BRD4: variants seen among roughly 807,000 people sequenced by gnomAD.
BRD4 encodes bromodomain containing 4, also known as bromodomain-containing protein 4.
BRD4 carries 16 observed loss-of-function variants against 142.1 expected under a neutral mutation model. The ratio of observed to expected loss-of-function variants is 0.11; its 90% CI spans 0.08 to 0.17. The LOEUF is 0.17. Ranked by LOEUF, BRD4 falls within the 10% of genes least tolerant of loss-of-function variation. The pLI, the probability that BRD4 is intolerant of heterozygous loss-of-function variation, is 1.00. For synonymous variants in BRD4, 833 were observed against 707.5 expected, an observed-to-expected ratio of 1.18 and a Z score of -2.82; for missense variants, 1,424 against 1,810.9, an observed-to-expected ratio of 0.79 and a Z score of 3.88.
At chr19:15,253,882 T>C in intron 11 of BRD4, 1 of 1,065,024 alleles carries the variant, frequency 9.4e-7, no homozygotes, top group South Asian at 1.6e-5. Context: ...GGCTCCGCAG[T>C]GTCAACGCCC....
At chr19:15,325,069 C>T (rs903956948) in intron 1 of BRD4, among the ~76,000 whole-genome samples, 1 of 152,134 alleles carries the variant, frequency 6.6e-6, no homozygotes, top group African/African-American at 2.4e-5. Context: ...CTTCCTCTTC[C>T]CACTTCTATT....
intron 1 of BRD4, among the ~76,000 whole-genome samples, chr19:15,306,812 T>C (rs892476450): frequency 6.6e-6 from 1 of 152,076 alleles, no homozygotes; most frequent in African/African-American, 2.4e-5. Flanking sequence ...TCCCCAAAAC[T>C]ATGATAATGA....
intron 1 of BRD4, among the ~76,000 whole-genome samples, chr19:15,315,266 G>A (rs1233873282): frequency 2.0e-5 from 3 of 152,044 alleles, no homozygotes; most frequent in African/African-American, 7.3e-5. Flanking sequence ...GGGCACACCT[G>A]TTAAATGAAT....
At chr19:15,311,240 C>T (rs1024199874) in intron 1 of BRD4, among the ~76,000 whole-genome samples, 2 of 151,848 alleles carry the variant, frequency 1.3e-5, no homozygotes, top group South Asian at 4.1e-4. Flanking sequence ...TGCGGTGAGT[C>T]GAGATCGTGC....
intron 14 of BRD4, among the ~76,000 whole-genome samples, chr19:15,240,223 C>T (rs892903452): frequency 6.6e-6 from 1 of 152,182 alleles, no homozygotes; most frequent in African/African-American, 2.4e-5. Flanking sequence ...GACCCCTCCC[C>T]GAAAGGGCTG....
At chr19:15,267,334 C>T in intron 4 of BRD4, 82 bp downstream of exon 4, 1 of 1,528,796 alleles carries the variant, frequency 6.5e-7, no homozygotes, top group Non-Finnish European at 8.9e-7. Context: ...CATCCTCCTG[C>T]CACTCCCAGC....
At chr19:15,301,222 A>G (rs2047864592) in intron 1 of BRD4, among the ~76,000 whole-genome samples, 2 of 152,236 alleles carry the variant, frequency 1.3e-5, no homozygotes, top group South Asian at 2.1e-4. Context: ...TCCATTTAAT[A>G]TGACATTCTA....
intron 14 of BRD4, among the ~76,000 whole-genome samples, chr19:15,240,504 G>A (rs1367618193): frequency 6.6e-6 from 1 of 152,186 alleles, no homozygotes; most frequent in Non-Finnish European, 1.5e-5. Context: ...CTGGGGGTGG[G>A]GATGCTCAGG....
rs2047221681 is a variant in BRD4, at chr19:15,239,589, A to G, written c.3446-67T>C. 8 of 1,563,052 alleles carry G rather than the reference A, an allele frequency of 5.1e-6. No individual in the cohort carries two copies. The highest frequency in any genetic ancestry group is 6.9e-6 in the Non-Finnish European group (8 of 1,160,856). On this transcript the variant is annotated intron_variant, in intron 16 of 19. Transcript: ENST00000679869. This position sits in a 1 kb window ranked among gnomAD's most constrained non-coding sequence, Gnocchi z 7.4. ...CAGTGGGGCATGGTCCACCAGCCCCACAGCAAGCTTATGTCCAACACGGGC... is the reference window on the plus strand; with the variant it reads ...CAGTGGGGCATGGTCCACCAGCCCCGCAGCAAGCTTATGTCCAACACGGGC...
chr19:15,323,945 C>T (rs572806270), intron 1 of BRD4, among the ~76,000 whole-genome samples: 1 of 152,318 alleles, frequency 6.6e-6, no homozygotes, highest in South Asian at 2.1e-4. Context: ...CCCACATGGT[C>T]CCCCTTTTGT....
chr19:15,264,166 A>C, intron 6 of BRD4: 1 of 478,414 alleles, frequency 2.1e-6, no homozygotes, highest in South Asian at 3.8e-5. Flanking sequence ...GCTTTTCCTC[A>C]GACTAGGGGA....
chr19:15,254,121 G>T (rs2145565596), intron 11 of BRD4, 31 bp downstream of exon 11: 1 of 1,578,584 alleles, frequency 6.3e-7, no homozygotes, highest in Non-Finnish European at 8.7e-7. Flanking sequence ...GGAAGAGTTT[G>T]GTAAGACACG....
At position 15,238,057 on chromosome 19, in the gene BRD4, T is replaced by C. The variant is rs2047207898; in HGVS notation, c.*320A>G. On this transcript the variant is annotated 3_prime_UTR_variant, in exon 20 of 20. Transcript: ENST00000679869. The surrounding 1 kb of genome is among the most constrained non-coding windows in gnomAD (Gnocchi z 7.2). ...ATGTCCTGTGTATACTGTGTAGACA[T>C]TTGGCGGAGAGAAGGGCCTCTGCCC... is the stretch of plus-strand genomic sequence containing the variant. 1 of 411,776 alleles carries C rather than the reference T, an allele frequency of 2.4e-6. No homozygotes were observed. 25.5% of individuals were successfully genotyped at this position (411,776 alleles called of 1,614,324 possible). A position where few individuals can be genotyped will look rare whatever the true frequency, so the allele number is the denominator to read the frequency against.
At chr19:15,323,178 T>TTAA (rs1555748003) in intron 1 of BRD4, among the ~76,000 whole-genome samples, 13 of 73,068 alleles carry the variant, frequency 1.8e-4, no homozygotes, top group South Asian at 1.3e-3. Flanking sequence ...TCCATCTCTT[T>TTAA]AAAAAAAAAA....
chr19:15,331,269 G>A (rs755582646), intron 1 of BRD4, among the ~76,000 whole-genome samples: 2 of 152,232 alleles, frequency 1.3e-5, no homozygotes, highest in African/African-American at 4.8e-5. Flanking sequence ...CACTACAACA[G>A]AGTGGGGTTT....
intron 7 of BRD4, among the ~76,000 whole-genome samples, chr19:15,260,441 G>T (rs1453556202): frequency 6.6e-6 from 1 of 152,192 alleles, no homozygotes; most frequent in African/African-American, 2.4e-5. Context: ...GAAAAACAAA[G>T]CCTGAAATGC....
intron 1 of BRD4, among the ~76,000 whole-genome samples, chr19:15,326,473 GCCT>G (rs2048109104): frequency 6.6e-6 from 1 of 151,832 alleles, no homozygotes; most frequent in Admixed American, 6.6e-5. Context: ...GCAAAACTCT[GCCT>G]CAAAATAAAT....
Position 15,256,096 on chromosome 19 carries a change from C to T in BRD4, c.1719G>A (p.Thr573=), listed in dbSNP as rs142701429. 828 of 1,611,748 alleles carry T rather than the reference C, an allele frequency of 5.1e-4. 2 individuals are homozygous for T. Among genetic ancestry groups the T allele is most frequent in the South Asian group, 1.5e-3 (140 of 90,894 alleles). ...SKAKEPPPKK[T]KKNNSSNSNV... Reference sequence around the variant, plus strand: ...TGCTGTTGCTGCTATTATTTTTCTTCGTCTTTTTAGGAGGAGGTTCCTTGG... The same window carrying T: ...TGCTGTTGCTGCTATTATTTTTCTTTGTCTTTTTAGGAGGAGGTTCCTTGG... The change falls in exon 9 of 20, where the codon ACG becomes ACA. Residue 573 remains threonine (T), a synonymous_variant. Coordinates refer to ENST00000679869, the MANE Select transcript of BRD4 (RefSeq NM_001379291.1).
intron 1 of BRD4, among the ~76,000 whole-genome samples, chr19:15,307,058 C>T (rs989972755): frequency 2.6e-5 from 4 of 152,006 alleles, no homozygotes; most frequent in Non-Finnish European, 5.9e-5. Flanking sequence ...AACACAAAAC[C>T]GGTAAACTCA....
Sources: gnomAD v4.1 joint callset for allele counts (sites outside exome capture counted in the v4.1 genomes callset) on GRCh38, gnomAD v4.1.1 for gene constraint, Gnocchi (gnomAD v3.1) non-coding constraint, MANE v1.5 for transcripts, NCBI Gene and HGNC (gene_info 2026-07-23, HGNC 2026-07-21) for gene names.